The following GRIN2A variants were observed in gnomAD, a reference collection of about 807,000 sequenced individuals.
GRIN2A encodes glutamate receptor ionotropic, NMDA 2A.
GRIN2A carries 22 observed loss-of-function variants against 113.4 expected under a neutral mutation model. The observed-to-expected ratio is 0.19, with a 90% CI of 0.14 to 0.28. GRIN2A has a LOEUF of 0.28. Ranked by LOEUF, GRIN2A falls within the 10% of genes least tolerant of loss-of-function variation. The pLI, the probability that GRIN2A is intolerant of heterozygous loss-of-function variation, is 1.00. For synonymous variants in GRIN2A, 827 were observed against 738.4 expected, an observed-to-expected ratio of 1.12 and a Z score of -1.94; for missense variants, 1,502 against 1,887.0, an observed-to-expected ratio of 0.80 and a Z score of 3.78.
chr16:9,952,263 C>T (rs888374316), intron 2 of GRIN2A, among the ~76,000 whole-genome samples: 1 of 152,206 alleles, frequency 6.6e-6, no homozygotes, highest in East Asian at 1.9e-4. Flanking sequence ...ACCCACCCAA[C>T]CCAGCAAGAG....
At chr16:9,789,891 G>T (rs1902498256) in intron 11 of GRIN2A, among the ~76,000 whole-genome samples, 1 of 152,226 alleles carries the variant, frequency 6.6e-6, no homozygotes, top group African/African-American at 2.4e-5. Context: ...TTTGGAAGAG[G>T]TTTGCATGGA....
At chr16:9,983,675 G>T (rs1263108410) in intron 2 of GRIN2A, among the ~76,000 whole-genome samples, 1 of 152,134 alleles carries the variant, frequency 6.6e-6, no homozygotes, top group Non-Finnish European at 1.5e-5. Flanking sequence ...TCCTCACCTT[G>T]TGATCCACCC....
At chr16:9,769,818 G>A (rs9922040) in intron 11 of GRIN2A, among the ~76,000 whole-genome samples, 121,879 of 152,132 alleles carry the variant, frequency 0.8, 49,317 homozygotes, top group Middle Eastern at 0.89. Context: ...TGCCTGGCCT[G>A]TGGCAATCCT....
intron 2 of GRIN2A, among the ~76,000 whole-genome samples, chr16:9,978,639 A>G (rs2045823129): frequency 6.6e-6 from 1 of 152,152 alleles, no homozygotes; most frequent in Admixed American, 6.5e-5. Context: ...ACCTGGCTCA[A>G]GTTCACTATG....
At chr16:9,954,019 G>T (rs562861971) in intron 2 of GRIN2A, among the ~76,000 whole-genome samples, 2 of 152,210 alleles carry the variant, frequency 1.3e-5, no homozygotes, top group East Asian at 3.9e-4. Context: ...ATTCAAACTG[G>T]GGTCAGGGGG....
At chr16:10,080,018 G>C (rs2047949041) in intron 2 of GRIN2A, among the ~76,000 whole-genome samples, 1 of 152,214 alleles carries the variant, frequency 6.6e-6, no homozygotes, top group Non-Finnish European at 1.5e-5. Context: ...TCATGGAACT[G>C]AATTGATGGC....
intron 2 of GRIN2A, among the ~76,000 whole-genome samples, chr16:10,067,283 A>G (rs1463514860): frequency 6.6e-6 from 1 of 152,206 alleles, no homozygotes; most frequent in Non-Finnish European, 1.5e-5. Context: ...ATACCCACGA[A>G]AAATTCACAC....
chr16:10,003,135 A>G, intron 2 of GRIN2A, among the ~76,000 whole-genome samples: 1 of 152,200 alleles, frequency 6.6e-6, no homozygotes, highest in East Asian at 1.9e-4. Context: ...CACATTTCTT[A>G]GAGGCCTCCA....
At chr16:10,156,785 G>C (rs944109968) in intron 2 of GRIN2A, among the ~76,000 whole-genome samples, 1 of 152,100 alleles carries the variant, frequency 6.6e-6, no homozygotes, top group African/African-American at 2.4e-5. Flanking sequence ...CAGTTTTCAG[G>C]GTTTTCATAC....
intron 11 of GRIN2A, among the ~76,000 whole-genome samples, chr16:9,775,438 C>T (rs1179122371): frequency 6.6e-6 from 1 of 152,160 alleles, no homozygotes; most frequent in Non-Finnish European, 1.5e-5. Flanking sequence ...GCAAACATCT[C>T]TGTATTTTCA....
intron 2 of GRIN2A, among the ~76,000 whole-genome samples, chr16:10,101,715 C>T (rs2048400925): frequency 6.6e-6 from 1 of 152,170 alleles, no homozygotes; most frequent in African/African-American, 2.4e-5. Flanking sequence ...CCAATCCCTG[C>T]CTTGGAAATT....
intron 2 of GRIN2A, among the ~76,000 whole-genome samples, chr16:10,126,464 C>T (rs2048938471): frequency 2.0e-5 from 3 of 152,298 alleles, no homozygotes; most frequent in Admixed American, 6.5e-5. Context: ...AGTGCCCAGC[C>T]AGTTTCATTA....
intron 11 of GRIN2A, among the ~76,000 whole-genome samples, chr16:9,790,184 C>T (rs963709456): frequency 2.0e-5 from 3 of 152,160 alleles, no homozygotes; most frequent in Non-Finnish European, 2.9e-5. Context: ...CCTGGAGATA[C>T]CCCAACTGTC....
chr16:10,090,009 A>G (rs1382962273), intron 2 of GRIN2A, among the ~76,000 whole-genome samples: 1 of 152,178 alleles, frequency 6.6e-6, no homozygotes, highest in African/African-American at 2.4e-5. Context: ...AGATGATACC[A>G]TGTGATAAAA....
chr16:10,149,712 C>G (rs1596555139), intron 2 of GRIN2A, among the ~76,000 whole-genome samples: 1 of 152,252 alleles, frequency 6.6e-6, no homozygotes, highest in East Asian at 1.9e-4. Context: ...TAATATCCTC[C>G]TAACTGGCCT....
intron 3 of GRIN2A, among the ~76,000 whole-genome samples, chr16:9,898,796 T>A (rs1321567822): frequency 1.3e-5 from 2 of 151,086 alleles, no homozygotes; most frequent in Non-Finnish European, 2.9e-5. Flanking sequence ...GAGTGTTTTT[T>A]TTTTGTTTTT....
intron 2 of GRIN2A, among the ~76,000 whole-genome samples, chr16:10,052,881 C>T (rs149432691): frequency 4.6e-4 from 70 of 152,118 alleles, no homozygotes; most frequent in African/African-American, 1.4e-3. Flanking sequence ...AACCTCATCT[C>T]TACTAAAAAT....
chr16:9,831,113 T>C (rs532004894), intron 8 of GRIN2A, among the ~76,000 whole-genome samples: 7 of 152,144 alleles, frequency 4.6e-5, no homozygotes, highest in Non-Finnish European at 1.0e-4. Flanking sequence ...CAAGTAGCTG[T>C]CATTTCCCAA....
intron 2 of GRIN2A, among the ~76,000 whole-genome samples, chr16:10,015,382 A>G (rs1420449601): frequency 6.6e-6 from 1 of 152,014 alleles, no homozygotes; most frequent in African/African-American, 2.4e-5. Flanking sequence ...TGAAAGATCC[A>G]CAATGTCTAT....
Sources: gnomAD v4.1 joint callset for allele counts (sites outside exome capture counted in the v4.1 genomes callset) on GRCh38, gnomAD v4.1.1 for gene constraint, MANE v1.5 for transcripts, NCBI Gene and HGNC (gene_info 2026-07-23, HGNC 2026-07-21) for gene names.